Variants in LRIG3 observed in about 807,000 individuals in gnomAD.
The protein encoded by LRIG3 is leucine-rich repeats and immunoglobulin-like domains protein 3.
In LRIG3, 76 loss-of-function variants were observed where a neutral mutation model predicts 114.5. The ratio of observed to expected loss-of-function variants is 0.66; its 90% CI spans 0.55 to 0.80. LRIG3 has a LOEUF of 0.80. Among genes scored for constraint, LRIG3 ranks in the 30% least tolerant of loss-of-function variants. LRIG3 has a pLI of 0.00. For synonymous variants in LRIG3, 512 were observed against 519.8 expected (o/e 0.98, Z 0.20); for missense variants, 1,239 against 1,382.8 (o/e 0.90, Z 1.65).
Position 58,878,943 on chromosome 12 carries a change from ATCACAT to A in LRIG3, c.1958_1963del (p.His653_Met655delinsLeu). On this transcript the variant is annotated inframe_deletion, in exon 14 of 19. Transcript: ENST00000320743. The stretch of plus-strand genomic sequence containing the variant: ...GATAAAGAACACGTCATCCTCGGGC[ATCACAT>A]GCATGCGTCTCTCCCGTGCAGCTGG... 33 of 1,614,184 alleles carry A rather than the reference ATCACAT, an allele frequency of 2.0e-5. No homozygotes were observed. Among genetic ancestry groups the A allele is most frequent in the Non-Finnish European group, 2.7e-5 (32 of 1,180,034 alleles).
At chr12:58,916,367 GA>G (rs967182223) in intron 1 of LRIG3, among the ~76,000 whole-genome samples, 3 of 151,498 alleles carry the variant, frequency 2.0e-5, no homozygotes, top group African/African-American at 7.3e-5. Flanking sequence ...TATGTAGGAG[GA>G]AAAAAAACAC....
intron 3 of LRIG3, among the ~76,000 whole-genome samples, chr12:58,901,931 A>G (rs776081351): frequency 7.9e-5 from 12 of 152,220 alleles, no homozygotes; most frequent in Non-Finnish European, 1.5e-4. Context: ...CTACAGAGAA[A>G]AATATCTCTT....
chr12:58,899,650 C>G (rs1871771995), intron 3 of LRIG3, among the ~76,000 whole-genome samples: 1 of 152,088 alleles, frequency 6.6e-6, no homozygotes, highest in Admixed American at 6.5e-5. Context: ...CCATTTATCT[C>G]TGATTCTCAT....
At chr12:58,883,943 TA>T (rs1369840850) in intron 10 of LRIG3, among the ~76,000 whole-genome samples, 2 of 152,174 alleles carry the variant, frequency 1.3e-5, no homozygotes, top group East Asian at 1.9e-4. Context: ...AATATACAAA[TA>T]AAAAATAAAA....
Position 58,888,450 on chromosome 12 carries a change from T to C in LRIG3, c.826A>G (p.Thr276Ala). Residue 276 changes from threonine (T) to alanine (A), a missense_variant, in exon 7 of 19, where the codon ACA (threonine) becomes GCA (alanine). Physicochemically the swap from Thr to Ala is moderately conservative, Grantham distance 58 (BLOSUM62 0). Transcript: ENST00000320743. ...TAAAGCCAGCCTTTGGTAATCTCTG[T>C]TAGGTTGTTATGGTCCAGCTGCCTA... is the stretch of plus-strand genomic sequence containing the variant. ...EILQLDHNNLTEITKGWLYGL... is the reference protein window; with the variant it reads ...EILQLDHNNLAEITKGWLYGL... 2 of 1,613,790 alleles carry C rather than the reference T, an allele frequency of 1.2e-6. No homozygotes were observed. Among genetic ancestry groups the C allele is most frequent in the Non-Finnish European group, 1.7e-6 (2 of 1,179,802 alleles).
rs1377665542 is a variant in LRIG3, at chr12:58,888,979, A to G, written c.660-17T>C. The G allele has an allele frequency of 2.5e-6, 4 of 1,608,894 alleles. No individual in the cohort carries two copies. Among genetic ancestry groups the G allele is most frequent in the Non-Finnish European group, 3.4e-6 (4 of 1,177,890 alleles). On this transcript the variant is annotated splice_polypyrimidine_tract_variant and intron_variant, in intron 5 of 18. Transcript: ENST00000320743. ...TTCAATTCGCTGCATTGAGTATTAC[A>G]AGAGTTAGCTTATATGACAATTAAA...
intron 3 of LRIG3, among the ~76,000 whole-genome samples, chr12:58,907,699 C>G (rs1420278515): frequency 1.3e-5 from 2 of 152,190 alleles, no homozygotes; most frequent in Non-Finnish European, 2.9e-5. Flanking sequence ...TTAATTAAGT[C>G]TGTCTAAGGT....
chr12:58,916,719 G>A (rs972096357), intron 1 of LRIG3, among the ~76,000 whole-genome samples: 1 of 152,212 alleles, frequency 6.6e-6, no homozygotes, highest in African/African-American at 2.4e-5. Context: ...AGGTACGGAA[G>A]TGTTAACTGT....
At chr12:58,881,087 CA>C (rs1317319594) in intron 12 of LRIG3, among the ~76,000 whole-genome samples, 186 bp from the exon 13 acceptor site, 1 of 152,154 alleles carries the variant, frequency 6.6e-6, no homozygotes, top group Non-Finnish European at 1.5e-5. Context: ...TAAAGTAACT[CA>C]TTCATCTCGA....
At chr12:58,911,482 C>A (rs1410341636) in intron 3 of LRIG3, among the ~76,000 whole-genome samples, 1 of 152,142 alleles carries the variant, frequency 6.6e-6, no homozygotes, top group Non-Finnish European at 1.5e-5. Flanking sequence ...AACTATTTAA[C>A]CTGTGCAAAT....
At position 58,872,422 on chromosome 12, in the gene LRIG3, C is replaced by G. The variant is rs1870765627; in HGVS notation, c.*150G>C. On this transcript the variant is annotated 3_prime_UTR_variant, in exon 19 of 19. Coordinates refer to ENST00000320743, the MANE Select transcript of LRIG3 (RefSeq NM_153377.5). ...ATTCCCAGTATAAAAATTTTCATAA[C>G]TTTTTGTAATTTTGGTTCATCTGTA... is the stretch of plus-strand genomic sequence containing the variant. 3 of 817,620 alleles carry G rather than the reference C, an allele frequency of 3.7e-6. No homozygotes were observed. The highest frequency in any genetic ancestry group is 5.0e-6 in the Non-Finnish European group (3 of 594,146). The allele number at this position is 817,620 out of a possible 1,614,324, so 50.6% of individuals were successfully genotyped here.
intron 3 of LRIG3, among the ~76,000 whole-genome samples, chr12:58,906,773 GA>G (rs1194407483): frequency 6.6e-6 from 1 of 152,014 alleles, no homozygotes; most frequent in Non-Finnish European, 1.5e-5. Context: ...GGGGTCAATG[GA>G]AAAGAGGCAT....
chr12:58,889,028 G>A (rs1422950904), intron 5 of LRIG3, 66 bp from the exon 6 acceptor site: 1 of 1,461,084 alleles, frequency 6.8e-7, no homozygotes, highest in East Asian at 2.3e-5. Context: ...AATAAAATGT[G>A]TCATTACTAC....
chr12:58,900,192 C>A (rs1489469703), intron 3 of LRIG3, among the ~76,000 whole-genome samples: 1 of 151,972 alleles, frequency 6.6e-6, no homozygotes, highest in African/African-American at 2.4e-5. Context: ...TCCTCCTATA[C>A]AAAAGTTTTA....
At chr12:58,873,379 T>C (rs1300211016) in intron 18 of LRIG3, among the ~76,000 whole-genome samples, 3 of 152,222 alleles carry the variant, frequency 2.0e-5, no homozygotes, top group African/African-American at 7.2e-5. Context: ...AGAAGTTGGG[T>C]AAAATATTTG....
At position 58,872,515 on chromosome 12, in the gene LRIG3, T is replaced by C. The variant is rs1870768965; in HGVS notation, c.*57A>G. 1.4e-6 allele frequency: 2 copies of C among 1,476,552 alleles called. No homozygotes were observed. The highest frequency in any genetic ancestry group is 4.6e-5 in the East Asian group (2 of 43,500). 91.5% of individuals were successfully genotyped at this position (1,476,552 alleles called of 1,614,324 possible). On this transcript the variant is annotated 3_prime_UTR_variant, in exon 19 of 19. Coordinates refer to ENST00000320743, the MANE Select transcript of LRIG3 (RefSeq NM_153377.5). ...TAAAAAACATAAGATTCTCTCTCTT[T>C]TAAATAAAAGTTCACTTGAGGTAGT...
At chr12:58,914,419 AAC>A in intron 1 of LRIG3, 83 bp from the exon 2 acceptor site, 1 of 1,023,910 alleles carries the variant, frequency 9.8e-7, no homozygotes. Context: ...TATCTCTATG[AAC>A]ACCAGTGAGA....
At chr12:58,910,262 G>A (rs1458331562) in intron 3 of LRIG3, among the ~76,000 whole-genome samples, 1 of 152,064 alleles carries the variant, frequency 6.6e-6, no homozygotes, top group African/African-American at 2.4e-5. Context: ...GATACTCCTG[G>A]GCCCCACCCA....
chr12:58,880,723 C>A lies in LRIG3; in HGVS notation c.1659G>T (p.Arg553=), dbSNP rs967961963. 1.9e-6 allele frequency: 3 copies of A among 1,614,022 alleles called. No homozygotes were observed. The Admixed American group carries it at 5.0e-5, about 27-fold the overall frequency. The change falls in exon 13 of 19, where the codon CGG becomes CGT. Residue 553 remains arginine (R), a synonymous_variant. Coordinates refer to ENST00000320743, the MANE Select transcript of LRIG3 (RefSeq NM_153377.5). ...ACTCCATCACCTCGCCACCTTGGGC[C>A]CGGAGGTGTGCATAATTTTCCATTT... ...DAEMENYAHL[R]AQGGEVMEYT... is the part of the protein sequence containing the mutation.
Sources: gnomAD v4.1 joint callset for allele counts (sites outside exome capture counted in the v4.1 genomes callset) on GRCh38, gnomAD v4.1.1 for gene constraint, MANE v1.5 for transcripts, NCBI Gene and HGNC (gene_info 2026-07-23, HGNC 2026-07-21) for gene names.